The following NR3C2 variants were observed in gnomAD, a reference collection of about 807,000 sequenced individuals.
NR3C2 encodes the protein nuclear receptor subfamily 3 group C member 2, also known as mineralocorticoid receptor.
NR3C2 carries 15 observed loss-of-function variants against 86.4 expected under a neutral mutation model. The ratio of observed to expected loss-of-function variants is 0.17; its 90% confidence interval spans 0.12 to 0.27. The LOEUF (loss-of-function observed/expected upper bound fraction) is 0.27, where lower values mean the gene tolerates loss of function less well. Ranked by LOEUF, NR3C2 falls within the 10% of genes least tolerant of loss-of-function variation. The pLI is 1.00. For missense variants in NR3C2, 960 were observed against 1,195.6 expected (o/e 0.80, Z 2.91); for synonymous variants, 458 against 450.5 (o/e 1.02, Z -0.21).
intron 8 of NR3C2, among the ~76,000 whole-genome samples, chr4:148,105,060 G>C (rs1256478197): frequency 6.6e-6 from 1 of 152,212 alleles, no homozygotes; most frequent in African/African-American, 2.4e-5. Flanking sequence ...GAGGTTTAAA[G>C]TAGGTTTGTG....
chr4:148,087,932 A>G (rs1730890024), intron 8 of NR3C2, among the ~76,000 whole-genome samples: 1 of 152,206 alleles, frequency 6.6e-6, no homozygotes, highest in Non-Finnish European at 1.5e-5. Flanking sequence ...TGAACAGGCA[A>G]CCTACAGAAT....
At chr4:148,279,628 T>C (rs1741135707) in intron 2 of NR3C2, among the ~76,000 whole-genome samples, 1 of 152,216 alleles carries the variant, frequency 6.6e-6, no homozygotes, top group Non-Finnish European at 1.5e-5. Context: ...AAACATAAAA[T>C]GCACTTATTA....
chr4:148,330,427 G>C (rs2149967267), intron 2 of NR3C2, among the ~76,000 whole-genome samples: 1 of 152,244 alleles, frequency 6.6e-6, no homozygotes, highest in South Asian at 2.1e-4. Flanking sequence ...AGAGGTCCCA[G>C]CAGGCTCTCT....
intron 5 of NR3C2, 26 bp downstream of exon 5, chr4:148,154,525 G>C: frequency 1.2e-6 from 2 of 1,606,172 alleles, no homozygotes; most frequent in Non-Finnish European, 1.7e-6. Context: ...TCAGGATGCA[G>C]CCTGTGAAAG....
At chr4:148,174,450 G>T (rs900668543) in intron 4 of NR3C2, among the ~76,000 whole-genome samples, 1 of 152,176 alleles carries the variant, frequency 6.6e-6, no homozygotes, top group African/African-American at 2.4e-5. Flanking sequence ...TTCCTCTGAA[G>T]AACAAACAGA....
At chr4:148,431,840 G>C (rs1289362747) in intron 2 of NR3C2, among the ~76,000 whole-genome samples, 2 of 152,146 alleles carry the variant, frequency 1.3e-5, no homozygotes, top group Non-Finnish European at 2.9e-5. Context: ...TCCAAAGCGT[G>C]TATAGAAGAG....
At chr4:148,306,004 T>G (rs2149929424) in intron 2 of NR3C2, among the ~76,000 whole-genome samples, 1 of 152,294 alleles carries the variant, frequency 6.6e-6, no homozygotes, top group South Asian at 2.1e-4. Context: ...CAAAAGTTGG[T>G]TCTATTTTGA....
At chr4:148,110,809 G>GA (rs976595945) in intron 8 of NR3C2, among the ~76,000 whole-genome samples, 1 of 152,110 alleles carries the variant, frequency 6.6e-6, no homozygotes, top group African/African-American at 2.4e-5. Flanking sequence ...CCTTCCATTT[G>GA]AAACAACCAA....
At chr4:148,410,120 T>C (rs1748622790) in intron 2 of NR3C2, among the ~76,000 whole-genome samples, 2 of 152,186 alleles carry the variant, frequency 1.3e-5, no homozygotes, top group Admixed American at 1.3e-4. Flanking sequence ...ATGTTTGAAT[T>C]GTTAAATTCA....
At chr4:148,154,928 CAAATTA>C (rs1189234419) in intron 4 of NR3C2, 27 bp from the exon 5 acceptor site, 13 of 1,520,500 alleles carry the variant, frequency 8.5e-6, no homozygotes, top group Non-Finnish European at 1.1e-5. Flanking sequence ...ATGATAAGGC[CAAATTA>C]AAATTATGTT....
At chr4:148,230,020 C>CT (rs1156679609) in intron 3 of NR3C2, among the ~76,000 whole-genome samples, 3 of 152,234 alleles carry the variant, frequency 2.0e-5, no homozygotes, top group African/African-American at 7.2e-5. Flanking sequence ...TCAAAGGTTT[C>CT]CTGAGACCTT....
intron 2 of NR3C2, among the ~76,000 whole-genome samples, chr4:148,275,366 A>G (rs1018338210): frequency 1.3e-5 from 2 of 152,240 alleles, no homozygotes; most frequent in African/African-American, 4.8e-5. Flanking sequence ...AATATAAATC[A>G]TAAAAGCAAA....
rs996765617 is a variant in NR3C2 at position 148,347,148 on chromosome 4, G to T, written c.1758-87031C>A. 2.0e-5 allele frequency among the ~76,000 whole-genome samples: 3 copies of T among 152,224 alleles called. No homozygotes were observed. The East Asian group carries it at 5.8e-4, about 29-fold the overall frequency. ...ACAGGTAGAAGAACAAATGGCTTCT[G>T]AAACAGGAATAAGTGAAAAATAACT... is the stretch of plus-strand genomic sequence containing the variant. On this transcript the variant is annotated intron_variant, in intron 2 of 8. Transcript: ENST00000358102.
intron 4 of NR3C2, among the ~76,000 whole-genome samples, chr4:148,162,757 G>C (rs972326045): frequency 6.6e-6 from 1 of 152,168 alleles, no homozygotes; most frequent in Non-Finnish European, 1.5e-5. Context: ...GAGGCAGAGA[G>C]GTGGCTCGTG....
chr4:148,235,464 G>A (rs567111397), intron 3 of NR3C2, among the ~76,000 whole-genome samples: 14 of 151,906 alleles, frequency 9.2e-5, no homozygotes, highest in African/African-American at 2.9e-4. Flanking sequence ...AAAAGTCTGC[G>A]TATTAAGTTT....
rs369297291 is a variant in NR3C2 at position 148,178,984 on chromosome 4, C to G, written c.2014+15762G>C. ...AACAAAACAAAACAAAGAGAAAGTC[C>G]TAGAAATTGAAAGCCTCTTATATCC... On this transcript the variant is annotated intron_variant, in intron 4 of 8. Transcript: ENST00000358102. Among the ~76,000 whole-genome samples, 25 of 149,724 alleles carry G rather than the reference C, an allele frequency of 1.7e-4. 1 individual carries two copies. The South Asian group carries it at 3.5e-3, about 21-fold the overall frequency.
At chr4:148,398,455 C>T (rs530581616) in intron 2 of NR3C2, among the ~76,000 whole-genome samples, 47 of 152,278 alleles carry the variant, frequency 3.1e-4, no homozygotes, top group African/African-American at 1.1e-3. Context: ...TTCTGTGAAA[C>T]CACTGGGGTG....
chr4:148,187,971 A>AGGG (rs1736013234), intron 4 of NR3C2, among the ~76,000 whole-genome samples: 1 of 151,682 alleles, frequency 6.6e-6, no homozygotes, highest in Non-Finnish European at 1.5e-5. Flanking sequence ...ATTTGTTGAA[A>AGGG]TGTCCTTTCC....
At chr4:148,261,306 C>A (rs112835003) in intron 2 of NR3C2, among the ~76,000 whole-genome samples, 2 of 146,080 alleles carry the variant, frequency 1.4e-5, no homozygotes, top group Non-Finnish European at 3.0e-5. Flanking sequence ...TGCTATGGTG[C>A]GCTATGGTAA....
Sources: allele counts gnomAD v4.1 joint callset (sites outside exome capture counted in the v4.1 genomes callset), GRCh38; gene constraint gnomAD v4.1.1; transcripts MANE v1.5; gene names NCBI Gene and HGNC (gene_info 2026-07-23, HGNC 2026-07-21).